MYO7B: variants seen among roughly 807,000 people sequenced by gnomAD.
The protein encoded by MYO7B is myosin VIIB.
A neutral mutation model predicts 259.7 loss-of-function variants in MYO7B; 212 were observed. The observed-to-expected ratio is 0.82, with a 90% CI of 0.73 to 0.91. The LOEUF (loss-of-function observed/expected upper bound fraction) is 0.91, where lower values mean the gene tolerates loss of function less well. Ranked by LOEUF, MYO7B falls within the 40% of genes least tolerant of loss-of-function variation. The probability of loss-of-function intolerance (pLI) is 0.00; values close to 1 mark genes in which losing one functional copy is unlikely to be tolerated. For synonymous variants in MYO7B, 1,197 were observed against 1,166.4 expected (o/e 1.03, Z -0.54); for missense variants, 2,732 against 2,813.5 (o/e 0.97, Z 0.66).
At position 127,609,372 on chromosome 2, in the gene MYO7B, G is replaced by C; in HGVS notation, c.2815-134G>C. The stretch of plus-strand genomic sequence containing the variant: ...ACCTGAGCCCACTGAATGTGGGGAT[G>C]GGTGGTCTCCAGCACCTGAGGGATC... On this transcript the variant is annotated intron_variant, in intron 22 of 47. Transcript: ENST00000409816. This position sits in a 1 kb window ranked among gnomAD's most constrained non-coding sequence, Gnocchi z 6.9. 1.3e-6 allele frequency: 1 copy of C among 773,076 alleles called. No homozygotes were observed. Among genetic ancestry groups the C allele is most frequent in the Non-Finnish European group, 2.1e-6 (1 of 468,880 alleles). 47.9% of individuals were successfully genotyped at this position (773,076 alleles called of 1,614,324 possible).
chr2:127,607,468 G>GC lies in MYO7B; in HGVS notation c.2643+48dup. On this transcript the variant is annotated intron_variant, in intron 21 of 47. Transcript: ENST00000409816. This position sits in a 1 kb window ranked among gnomAD's most constrained non-coding sequence, Gnocchi z 4.4. ...TCTTGGGCAGGTGGGGCTGGCTGGGGCCCCAGTGGGTGAGGGCAAGAAGGA... is the reference window on the plus strand; with the variant it reads ...TCTTGGGCAGGTGGGGCTGGCTGGGGCCCCCAGTGGGTGAGGGCAAGAAGGA... 2.0e-6 allele frequency: 3 copies of GC among 1,529,770 alleles called. No individual in the cohort carries two copies. The highest frequency in any genetic ancestry group is 2.7e-6 in the Non-Finnish European group (3 of 1,131,268). 94.8% of individuals were successfully genotyped at this position (1,529,770 alleles called of 1,614,324 possible).
intron 43 of MYO7B, chr2:127,635,461 G>A: frequency 1.6e-6 from 1 of 625,408 alleles, no homozygotes; most frequent in South Asian, 2.0e-5. Flanking sequence ...GTGGGACAGA[G>A]GGTCCTGTGA....
chr2:127,620,726 T>C lies in MYO7B; in HGVS notation c.3525+260T>C, dbSNP rs112921650. Among the ~76,000 whole-genome samples the C allele has an allele frequency of 6.5e-3, 987 of 152,250 alleles. 14 individuals are homozygous for C. Among genetic ancestry groups the C allele is most frequent in the African/African-American group, 0.022 (895 of 41,536 alleles). On this transcript the variant is annotated intron_variant, in intron 27 of 47. Transcript: ENST00000409816. ...CACTTTGGCTCAGGTGTCAGGATGG[T>C]GCTTCAAGACTAAAATGAGAAGGTA...
At chr2:127,612,629 C>T (rs1372636914) in intron 26 of MYO7B, 26 bp downstream of exon 26, 1 of 1,605,912 alleles carries the variant, frequency 6.2e-7, no homozygotes. Flanking sequence ...CATCCCGGCC[C>T]CATTCAGAGC....
chr2:127,566,842 T>G lies in MYO7B; in HGVS notation c.470+15T>G, dbSNP rs751633624. 7 of 1,601,698 alleles carry G rather than the reference T, an allele frequency of 4.4e-6. No homozygotes were observed. In the Middle Eastern group the frequency reaches 5.0e-4, roughly 114 times the overall value. On this transcript the variant is annotated intron_variant, in intron 5 of 47. Coordinates refer to ENST00000409816, the MANE Select transcript of MYO7B (RefSeq NM_001393586.1). ...TGCATCATCAGGTGAGGCAGAGGGGTCAGGCACCACCTCCAGGCATCTCCC... is the reference window on the plus strand; with the variant it reads ...TGCATCATCAGGTGAGGCAGAGGGGGCAGGCACCACCTCCAGGCATCTCCC...
Position 127,563,041 on chromosome 2 carries a change from T to C in MYO7B, c.19-1112T>C, listed in dbSNP as rs532427942. Among the ~76,000 whole-genome samples the C allele has an allele frequency of 5.3e-5, 8 of 152,342 alleles. No homozygotes were observed. The South Asian group carries it at 1.7e-3, about 32-fold the overall frequency. ...GTTTCCAATTTTGCTTTCATTCTGG[T>C]CTGCATTTCTTTCATTTCCTCAATT... is the stretch of plus-strand genomic sequence containing the variant. On this transcript the variant is annotated intron_variant, in intron 2 of 47. Transcript: ENST00000409816.
At chr2:127,564,801 A>T (rs937491158) in intron 3 of MYO7B, among the ~76,000 whole-genome samples, 8 of 152,224 alleles carry the variant, frequency 5.3e-5, no homozygotes, top group Admixed American at 2.6e-4. Context: ...TGAGTTCCAG[A>T]TGATGGAAGT....
chr2:127,624,242 G>A lies in MYO7B; in HGVS notation c.3969G>A (p.Arg1323=). Residue 1323 remains arginine (R), a synonymous_variant, in exon 30 of 48, where the codon CGG becomes CGA. Transcript: ENST00000409816. ...TCTTCACCCCCTGGCACGACTCCCG[G>A]GAGGACCCTGTCAGCACCGAGCTTA... is the stretch of plus-strand genomic sequence containing the variant. The part of the protein sequence containing the change: ...KEFFTPWHDS[R]EDPVSTELIY... The A allele has an allele frequency of 1.9e-6, 3 of 1,596,762 alleles. No homozygotes were observed. The highest frequency in any genetic ancestry group is 2.6e-6 in the Non-Finnish European group (3 of 1,172,514).
At chr2:127,594,464 C>T (rs1483164802) in intron 18 of MYO7B, among the ~76,000 whole-genome samples, 7 of 152,196 alleles carry the variant, frequency 4.6e-5, no homozygotes, top group South Asian at 2.1e-4. Flanking sequence ...GCCCTCGAGT[C>T]GGTCTGTCTG....
At chr2:127,589,027 GTGGA>G (rs1396052112) in intron 15 of MYO7B, among the ~76,000 whole-genome samples, 1 of 143,872 alleles carries the variant, frequency 7.0e-6, no homozygotes, top group Admixed American at 6.9e-5. Flanking sequence ...TGGTGGGTGG[GTGGA>G]TGGATGGGTG....
intron 1 of MYO7B, among the ~76,000 whole-genome samples, chr2:127,554,641 G>A (rs912191377): frequency 6.6e-6 from 1 of 152,178 alleles, no homozygotes; most frequent in Admixed American, 6.5e-5. Flanking sequence ...TTGTGGAATA[G>A]TATCAATAGG....
chr2:127,592,417 T>A (rs1225144323), intron 16 of MYO7B, among the ~76,000 whole-genome samples: 4 of 152,096 alleles, frequency 2.6e-5, no homozygotes, highest in African/African-American at 7.2e-5. Context: ...AAATAAAATT[T>A]AAAAAATTTT....
intron 6 of MYO7B, among the ~76,000 whole-genome samples, chr2:127,573,083 C>T (rs974933379): frequency 3.3e-5 from 5 of 152,108 alleles, no homozygotes; most frequent in South Asian, 2.1e-4. Context: ...TGGGATTCCT[C>T]GAGAGAGAGA....
chr2:127,611,314 C>G lies in MYO7B; in HGVS notation c.3193-936C>G, dbSNP rs1232382427. Among the ~76,000 whole-genome samples, 1 of 152,228 alleles carries G rather than the reference C, an allele frequency of 6.6e-6. No individual in the cohort carries two copies. The highest frequency in any genetic ancestry group is 2.4e-5 in the African/African-American group (1 of 41,466). ...AGGGGCCCACACAGGGCAGGAATTT[C>G]AGGACGCAGGGATCACGGGGGCCAT... On this transcript the variant is annotated intron_variant, in intron 24 of 47. Coordinates refer to ENST00000409816, the MANE Select transcript of MYO7B (RefSeq NM_001393586.1). This position sits in a 1 kb window ranked among gnomAD's most constrained non-coding sequence, Gnocchi z 5.4.
At chr2:127,593,044 C>G in intron 17 of MYO7B, 98 bp downstream of exon 17, 2 of 1,435,974 alleles carry the variant, frequency 1.4e-6, no homozygotes, top group East Asian at 2.5e-5. Context: ...CTCCCGCTGC[C>G]CTCCCCGGCC....
chr2:127,565,389 A>G lies in MYO7B; in HGVS notation c.285+4A>G. ...CTACCAGCAGCACAAGATCTATGTG[A>G]GTCTCCCCAGCCCTGTGTCCACAGG... On this transcript the variant is annotated splice_donor_region_variant and intron_variant, in intron 4 of 47. Coordinates refer to ENST00000409816, the MANE Select transcript of MYO7B (RefSeq NM_001393586.1). The G allele has an allele frequency of 6.2e-7, 1 of 1,613,916 alleles. No individual in the cohort carries two copies. Among genetic ancestry groups the G allele is most frequent in the Non-Finnish European group, 8.5e-7 (1 of 1,179,824 alleles).
At chr2:127,561,051 G>A (rs900545858) in intron 2 of MYO7B, among the ~76,000 whole-genome samples, 1 of 152,164 alleles carries the variant, frequency 6.6e-6, no homozygotes, top group Admixed American at 6.5e-5. Flanking sequence ...GCAAACATGA[G>A]AGCGTGGCTC....
In MYO7B at chr2:127,629,729, C is replaced by T; in HGVS notation, c.4709C>T (p.Thr1570Ile). The stretch of plus-strand genomic sequence containing the variant: ...GGGCTGCTGGCCTCTGAGAACTGGA[C>T]CCTCGGCCAGAACGACAGGACAGGC... Reference protein sequence around the residue: ...KQGLLASENWTLGQNDRTGKT... With the variant: ...KQGLLASENWILGQNDRTGKT... The change falls in exon 35 of 48, where the codon ACC becomes ATC. Residue 1570 changes from threonine (T) to isoleucine (I), a missense_variant. Thr to Ile is a moderately conservative substitution (Grantham distance 89). Around this residue, in one of 3 missense-constraint regions of MYO7B, gnomAD observed 821 missense variants for 769.3 expected, o/e 1.07. Transcript: ENST00000409816. 6.2e-7 allele frequency: 1 copy of T among 1,612,246 alleles called. No individual in the cohort carries two copies. The highest frequency in any genetic ancestry group is 8.5e-7 in the Non-Finnish European group (1 of 1,179,420).
intron 38 of MYO7B, 121 bp from the exon 39 acceptor site, chr2:127,632,125 C>T: frequency 8.4e-7 from 1 of 1,189,064 alleles, no homozygotes; most frequent in Non-Finnish European, 1.2e-6. Flanking sequence ...CTGGCAGGTG[C>T]CCTCCCCCTC....
Sources: gnomAD v4.1 joint callset for allele counts (sites outside exome capture counted in the v4.1 genomes callset) on GRCh38, gnomAD v4.1.1 for gene constraint, gnomAD v4.1.1 regional missense constraint, Gnocchi (gnomAD v3.1) non-coding constraint, MANE v1.5 for transcripts, NCBI Gene and HGNC (gene_info 2026-07-23, HGNC 2026-07-21) for gene names.